The following DENND3 variants were observed in gnomAD, a reference collection of about 807,000 sequenced individuals.
DENND3 encodes the protein DENN domain containing 3, also known as DENN domain-containing protein 3.
In DENND3, 88 loss-of-function variants were observed where a neutral mutation model predicts 135.1. The ratio of observed to expected loss-of-function variants is 0.65; its 90% CI spans 0.55 to 0.78. DENND3 has a LOEUF of 0.78. Among genes scored for constraint, DENND3 ranks in the 30% least tolerant of loss-of-function variants. The pLI, the probability that DENND3 is intolerant of heterozygous loss-of-function variation, is 0.00. For missense variants in DENND3, 1,392 were observed against 1,688.4 expected (o/e 0.82, Z 3.08); for synonymous variants, 693 against 712.3 (o/e 0.97, Z 0.43).
In DENND3 at chr8:141,167,948, C is replaced by T. The variant is rs1042630694; in HGVS notation, c.1754-56C>T. ...TTGACAAGATGATGTGACAGGGACA[C>T]GTGTTCATTTGGAAGGTCTGTGCTA... On this transcript the variant is annotated intron_variant, in intron 12 of 22. Coordinates refer to ENST00000519811, the MANE Select transcript of DENND3 (RefSeq NM_001352890.3). This position sits in a 1 kb window ranked among gnomAD's most constrained non-coding sequence, Gnocchi z 4.1. The T allele has an allele frequency of 1.4e-5, 21 of 1,546,756 alleles. No individual in the cohort carries two copies. The highest frequency in any genetic ancestry group is 2.4e-4 in the Middle Eastern group (1 of 4,226).
At chr8:141,129,205 A>G (rs1220372418) in intron 1 of DENND3, among the ~76,000 whole-genome samples, 1 of 152,222 alleles carries the variant, frequency 6.6e-6, no homozygotes, top group African/African-American at 2.4e-5. Context: ...AACGGGCGGA[A>G]GCCGCCGGAG....
At position 141,176,846 on chromosome 8, in the gene DENND3, C is replaced by T. The variant is rs1407527739; in HGVS notation, c.2706+85C>T. ...CTGTGGGTCCTGTGGCAGTCCTCAG[C>T]TGTGAGTGCTCGGGCTCGGGTCTGA... is the stretch of plus-strand genomic sequence containing the variant. On this transcript the variant is annotated intron_variant, in intron 15 of 22. Coordinates refer to ENST00000519811, the MANE Select transcript of DENND3 (RefSeq NM_001352890.3). The T allele has an allele frequency of 2.7e-6, 4 of 1,497,064 alleles. No homozygotes were observed. In the Admixed American group the frequency reaches 5.8e-5, roughly 22 times the overall value. The allele number at this position is 1,497,064 out of a possible 1,614,324, so 92.7% of individuals were successfully genotyped here. A position where few individuals can be genotyped will look rare whatever the true frequency, so the allele number is the denominator to read the frequency against.
chr8:141,189,368 C>T lies in DENND3; in HGVS notation c.3245+222C>T, dbSNP rs567351227. Reference sequence around the variant, plus strand: ...TGTGGGCCAAGCGTGGTGATGAAGGCACCACACCCGGCCTTCCTGCTGAGC... The same window carrying T: ...TGTGGGCCAAGCGTGGTGATGAAGGTACCACACCCGGCCTTCCTGCTGAGC... On this transcript the variant is annotated intron_variant, in intron 19 of 22. Transcript: ENST00000519811. Among the ~76,000 whole-genome samples the T allele has an allele frequency of 2.6e-5, 4 of 152,388 alleles. No homozygotes were observed. The East Asian group carries it at 7.7e-4, about 29-fold the overall frequency.
At chr8:141,188,872 C>T (rs1824292341) in intron 18 of DENND3, 114 bp from the exon 19 acceptor site, 1 of 1,405,228 alleles carries the variant, frequency 7.1e-7, no homozygotes, top group South Asian at 1.5e-5. Flanking sequence ...GGCGTGTCCC[C>T]TAGGAGCAGT....
At position 141,154,648 on chromosome 8, in the gene DENND3, C is replaced by T. The variant is rs1232284882; in HGVS notation, c.1075-1201C>T. Among the ~76,000 whole-genome samples, 15 of 151,876 alleles carry T rather than the reference C, an allele frequency of 9.9e-5. No individual in the cohort carries two copies. The highest frequency in any genetic ancestry group is 2.1e-4 in the Non-Finnish European group (14 of 67,946). On this transcript the variant is annotated intron_variant, in intron 7 of 22. Coordinates refer to ENST00000519811, the MANE Select transcript of DENND3 (RefSeq NM_001352890.3). This position sits in a 1 kb window ranked among gnomAD's most constrained non-coding sequence, Gnocchi z 4.4. Reference sequence around the variant, plus strand: ...CACGATCTCAGCTCACTGCAACCTCCGCCTCCTGGGTTCAAGCGATTCTCC... The same window carrying T: ...CACGATCTCAGCTCACTGCAACCTCTGCCTCCTGGGTTCAAGCGATTCTCC...
chr8:141,175,477 A>G lies in DENND3; in HGVS notation c.2535+18A>G. 1 of 1,614,102 alleles carries G rather than the reference A, an allele frequency of 6.2e-7. No homozygotes were observed. The highest frequency in any genetic ancestry group is 8.5e-7 in the Non-Finnish European group (1 of 1,180,040). ...ATATAGAGGTAAGGACAGCACAGGCAGACGGCGCCAGACCCCACCTGTGTT... is the reference window on the plus strand; with the variant it reads ...ATATAGAGGTAAGGACAGCACAGGCGGACGGCGCCAGACCCCACCTGTGTT... On this transcript the variant is annotated intron_variant, in intron 14 of 22. Coordinates refer to ENST00000519811, the MANE Select transcript of DENND3 (RefSeq NM_001352890.3). The surrounding 1 kb of genome is among the most constrained non-coding windows in gnomAD (Gnocchi z 5.4).
intron 17 of DENND3, 133 bp from the exon 18 acceptor site, chr8:141,185,002 CGTCT>C: frequency 8.8e-7 from 1 of 1,136,438 alleles, no homozygotes. Flanking sequence ...TGCCTGGGCA[CGTCT>C]TTGTACGTAC....
intron 17 of DENND3, among the ~76,000 whole-genome samples, chr8:141,181,407 G>A (rs1823079806): frequency 6.6e-6 from 1 of 152,234 alleles, no homozygotes; most frequent in Non-Finnish European, 1.5e-5. Context: ...ATGGTGATAA[G>A]GTGATGGCGC....
At chr8:141,189,686 C>A (rs1015590394) in intron 19 of DENND3, among the ~76,000 whole-genome samples, 2 of 152,210 alleles carry the variant, frequency 1.3e-5, no homozygotes, top group African/African-American at 4.8e-5. Context: ...AGGGGCCACA[C>A]TCCCCACTCC....
At chr8:141,186,176 C>CTGCAGCA (rs1823867720) in intron 18 of DENND3, among the ~76,000 whole-genome samples, 1 of 152,128 alleles carries the variant, frequency 6.6e-6, no homozygotes, top group Admixed American at 6.6e-5. Flanking sequence ...CCATCCTGTA[C>CTGCAGCA]TGCAGCACTA....
chr8:141,190,615 TCTGC>T, intron 20 of DENND3, 198 bp downstream of exon 20: 1 of 741,372 alleles, frequency 1.3e-6, no homozygotes. Flanking sequence ...CAGGCCTCCC[TCTGC>T]CTTTCTACCC....
intron 22 of DENND3, chr8:141,193,430 G>C (rs1314800398): frequency 1.3e-5 from 2 of 157,620 alleles, no homozygotes; most frequent in African/African-American, 2.4e-5. Flanking sequence ...GTCCCACCTG[G>C]GGCAGAACCA....
At chr8:141,171,819 C>T (rs570380009) in intron 13 of DENND3, among the ~76,000 whole-genome samples, 14 of 139,488 alleles carry the variant, frequency 1.0e-4, no homozygotes, top group East Asian at 2.2e-4. Context: ...GCACAGTGGC[C>T]GTGGGTGTGC....
At chr8:141,160,532 G>A in intron 8 of DENND3, 100 bp from the exon 9 acceptor site, 1 of 1,345,850 alleles carries the variant, frequency 7.4e-7, no homozygotes, top group Non-Finnish European at 9.8e-7. Context: ...ATCGGTATTT[G>A]TGTCTGTGAA....
At chr8:141,172,595 G>A (rs1358965711) in intron 13 of DENND3, among the ~76,000 whole-genome samples, 1 of 152,154 alleles carries the variant, frequency 6.6e-6, no homozygotes, top group Non-Finnish European at 1.5e-5. Flanking sequence ...CCATGGCTGG[G>A]GCTCCACACT....
chr8:141,129,271 T>C (rs1490584161), intron 1 of DENND3, among the ~76,000 whole-genome samples: 1 of 152,256 alleles, frequency 6.6e-6, no homozygotes, highest in Non-Finnish European at 1.5e-5. Flanking sequence ...TTCTTTATGC[T>C]GGGATGTGTT....
intron 17 of DENND3, among the ~76,000 whole-genome samples, chr8:141,183,155 C>G (rs766800179): frequency 9.9e-5 from 15 of 152,080 alleles, no homozygotes; most frequent in Non-Finnish European, 1.9e-4. Context: ...AGAATATTTT[C>G]ATGACTTTAT....
rs1312350836 is a variant in DENND3, at chr8:141,130,709, C to A, written c.102+1900C>A. Among the ~76,000 whole-genome samples, 1 of 148,144 alleles carries A rather than the reference C, an allele frequency of 6.8e-6. No individual in the cohort carries two copies. Among genetic ancestry groups the A allele is most frequent in the Non-Finnish European group, 1.5e-5 (1 of 67,314 alleles). ...TAAATATATTTTTTTTTTTTTGAGACAGAGTTTTGCTCTGTTGCCCAGGAT... is the reference window on the plus strand; with the variant it reads ...TAAATATATTTTTTTTTTTTTGAGAAAGAGTTTTGCTCTGTTGCCCAGGAT... On this transcript the variant is annotated intron_variant, in intron 1 of 22. Coordinates refer to ENST00000519811, the MANE Select transcript of DENND3 (RefSeq NM_001352890.3). This position sits in a 1 kb window ranked among gnomAD's most constrained non-coding sequence, Gnocchi z 4.2.
intron 13 of DENND3, among the ~76,000 whole-genome samples, chr8:141,173,094 T>TAGAG (rs1379512549): frequency 1.4e-4 from 12 of 86,838 alleles, no homozygotes; most frequent in Non-Finnish European, 1.9e-4. Flanking sequence ...AGGGAGACTC[T>TAGAG]GGCAAACAAT....
Sources: allele counts gnomAD v4.1 joint callset (sites outside exome capture counted in the v4.1 genomes callset), GRCh38; gene constraint gnomAD v4.1.1; non-coding constraint Gnocchi (gnomAD v3.1); transcripts MANE v1.5; gene names NCBI Gene and HGNC (gene_info 2026-07-23, HGNC 2026-07-21).